GALNS: variants seen among roughly 807,000 people sequenced by gnomAD.
GALNS encodes N-acetylgalactosamine-6-sulfatase.
A neutral mutation model predicts 65.9 loss-of-function variants in GALNS; 65 were observed. The ratio of observed to expected loss-of-function variants is 0.99; its 90% CI spans 0.81 to 1.21. The LOEUF (loss-of-function observed/expected upper bound fraction) is 1.21. Ranked by LOEUF, GALNS falls within the 50% of genes most tolerant of loss-of-function variation. GALNS has a pLI of 0.00. For synonymous variants in GALNS, 346 were observed against 288.9 expected (o/e 1.20, Z -2.00); for missense variants, 776 against 700.7 (o/e 1.11, Z -1.21).
chr16:88,815,253 C>A (rs1466515623), intron 13 of GALNS: 2 of 985,352 alleles, frequency 2.0e-6, no homozygotes, highest in African/African-American at 1.7e-5. Context: ...ATGGGGGATG[C>A]AGCTGCCAAG....
In GALNS at chr16:88,819,635, C is replaced by T. The variant is rs529278531; in HGVS notation, c.1365-1511G>A. Among the ~76,000 whole-genome samples, 85 of 152,282 alleles carry T rather than the reference C, an allele frequency of 5.6e-4. 4 individuals are homozygous for T. The highest frequency in any genetic ancestry group is 6.5e-5 in the Admixed American group (1 of 15,296). ...GCAGCCTTGACCTTCCAGGCTCAAG[C>T]GATCTTCCTGCCTCAGTCTCTTGAG... is the stretch of plus-strand genomic sequence containing the variant. On this transcript the variant is annotated intron_variant, in intron 12 of 13. Coordinates refer to ENST00000268695, the MANE Select transcript of GALNS (RefSeq NM_000512.5).
At chr16:88,832,477 C>G (rs1469952495) in intron 8 of GALNS, among the ~76,000 whole-genome samples, 1 of 152,178 alleles carries the variant, frequency 6.6e-6, no homozygotes, top group East Asian at 1.9e-4. Context: ...ACTTAAAATG[C>G]AGCCAACTTC....
At chr16:88,817,016 T>C in intron 13 of GALNS, 20 of 985,314 alleles carry the variant, frequency 2.0e-5, no homozygotes, top group Non-Finnish European at 2.4e-5. Flanking sequence ...CAGACCTGTG[T>C]GTGGCTCGTT....
rs1912294802 is a variant in GALNS at position 88,837,770 on chromosome 16, A to G, written c.423-5T>C. ...TGGGGCCTGTGACCCAGATGCCTGGAAACAGGAACCCAGGACACTTCAGGG... is the reference window on the plus strand; with the variant it reads ...TGGGGCCTGTGACCCAGATGCCTGGGAACAGGAACCCAGGACACTTCAGGG... On this transcript the variant is annotated splice_region_variant and splice_polypyrimidine_tract_variant and intron_variant, in intron 4 of 13. Coordinates refer to ENST00000268695, the MANE Select transcript of GALNS (RefSeq NM_000512.5). 10 of 1,613,738 alleles carry G rather than the reference A, an allele frequency of 6.2e-6. No homozygotes were observed. The highest frequency in any genetic ancestry group is 2.2e-5 in the South Asian group (2 of 91,064).
rs201061643 is a variant in GALNS, at chr16:88,820,330, T to C, written c.1365-2206A>G. ...TTTTGGTAGAGATGGGATTTCACCA[T>C]GTAGGCCAGGCTGGTCTCAAACTCC... On this transcript the variant is annotated intron_variant, in intron 12 of 13. Transcript: ENST00000268695. 3.7e-4 allele frequency among the ~76,000 whole-genome samples: 57 copies of C among 152,024 alleles called. No homozygotes were observed. The East Asian group carries it at 9.3e-3, about 25-fold the overall frequency.
chr16:88,855,523 C>T lies in GALNS; in HGVS notation c.120+1235G>A, dbSNP rs1175867572. 5 of 702,534 alleles carry T rather than the reference C, an allele frequency of 7.1e-6. No homozygotes were observed. In the Admixed American group the frequency reaches 8.0e-5, roughly 11 times the overall value. The allele number at this position is 702,534 out of a possible 1,614,324, so 43.5% of individuals were successfully genotyped here. ...GAGAGCGTGCTCTGGAAAGCAGTCA[C>T]TGCACACAAATAAGACATATGAGAT... On this transcript the variant is annotated intron_variant, in intron 1 of 13. Transcript: ENST00000268695.
chr16:88,822,841 T>A, intron 11 of GALNS, 131 bp from the exon 12 acceptor site: 1 of 1,374,370 alleles, frequency 7.3e-7, no homozygotes, highest in Non-Finnish European at 9.9e-7. Flanking sequence ...CTGGAGCCCC[T>A]AACTGGGGGC....
In GALNS at chr16:88,823,981, T is replaced by C. The variant is rs1307688377; in HGVS notation, c.1242+786A>G. Reference sequence around the variant, plus strand: ...GGAGCCAAAACACTCCTGGGCATCATTGCCCTCCAGACACTGCCCCACGAG... The same window carrying C: ...GGAGCCAAAACACTCCTGGGCATCACTGCCCTCCAGACACTGCCCCACGAG... On this transcript the variant is annotated intron_variant, in intron 11 of 13. Transcript: ENST00000268695. Among the ~76,000 whole-genome samples the C allele has an allele frequency of 2.6e-5, 4 of 152,296 alleles. 1 individual carries two copies. The highest frequency in any genetic ancestry group is 6.8e-3 in the Middle Eastern group (2 of 294).
intron 10 of GALNS, among the ~76,000 whole-genome samples, chr16:88,825,700 AG>A (rs1475273479): frequency 6.6e-6 from 1 of 151,214 alleles, no homozygotes; most frequent in Admixed American, 6.6e-5. Context: ...TGGGCAGACA[AG>A]AGGATAAGCA....
chr16:88,822,521 TGGA>T lies in GALNS; in HGVS notation c.1364+65_1364+67del, dbSNP rs1910338194. ...CAGGGTGCAGAGGGCTCTGTCCCTG[TGGA>T]GCCTGCATTTGGGGGAGTCCGGCTG... On this transcript the variant is annotated intron_variant, in intron 12 of 13. Transcript: ENST00000268695. 3 of 1,600,684 alleles carry T rather than the reference TGGA, an allele frequency of 1.9e-6. No homozygotes were observed. The South Asian group carries it at 3.3e-5, about 18-fold the overall frequency.
intron 12 of GALNS, among the ~76,000 whole-genome samples, chr16:88,822,167 C>T (rs1910295203): frequency 6.6e-6 from 1 of 152,116 alleles, no homozygotes; most frequent in Non-Finnish European, 1.5e-5. Context: ...ACTCCGGCAT[C>T]CTCGGTGGGG....
intron 8 of GALNS, among the ~76,000 whole-genome samples, chr16:88,834,794 A>G (rs1489937340): frequency 6.6e-6 from 1 of 152,148 alleles, no homozygotes; most frequent in Non-Finnish European, 1.5e-5. Context: ...TCATGGAGGC[A>G]GCCCGGCCCC....
intron 1 of GALNS, among the ~76,000 whole-genome samples, chr16:88,850,423 A>G (rs1014130243): frequency 2.0e-5 from 3 of 152,168 alleles, no homozygotes; most frequent in African/African-American, 7.2e-5. Flanking sequence ...CAGGCCACAA[A>G]TAACATGAAT....
At chr16:88,847,682 T>C (rs565562895) in intron 1 of GALNS, among the ~76,000 whole-genome samples, 85 of 152,320 alleles carry the variant, frequency 5.6e-4, no homozygotes, top group African/African-American at 2.0e-3. Flanking sequence ...TGATCGCTGA[T>C]TGTCTAAGGT....
At chr16:88,822,953 C>G (rs115109426) in intron 11 of GALNS, among the ~76,000 whole-genome samples, 3 of 152,148 alleles carry the variant, frequency 2.0e-5, no homozygotes, top group African/African-American at 4.8e-5. Context: ...CCATAAGCAT[C>G]CTGTGGAGGA....
At chr16:88,831,132 G>A (rs115496245) in intron 9 of GALNS, among the ~76,000 whole-genome samples, 4,627 of 152,274 alleles carry the variant, frequency 0.03, 241 homozygotes, top group African/African-American at 0.11. Flanking sequence ...AGTCCCCACC[G>A]AGAGCCTTCC....
chr16:88,856,441 G>A, intron 1 of GALNS: 1 of 700,632 alleles, frequency 1.4e-6, no homozygotes, highest in Non-Finnish European at 2.6e-6. Flanking sequence ...GTAGCACGCC[G>A]GCCACCCACC....
intron 13 of GALNS, chr16:88,815,394 G>C: frequency 1.5e-5 from 15 of 985,486 alleles, no homozygotes; most frequent in Non-Finnish European, 1.8e-5. Context: ...TTCCCAGGGA[G>C]AAGCCAGTCC....
intron 1 of GALNS, chr16:88,855,114 A>T (rs1390970362): frequency 2.0e-6 from 1 of 501,066 alleles, no homozygotes; most frequent in Non-Finnish European, 3.8e-6. Context: ...TTAGAAAAGC[A>T]GAAGTAGGTG....
Sources: allele counts gnomAD v4.1 joint callset (sites outside exome capture counted in the v4.1 genomes callset), GRCh38; gene constraint gnomAD v4.1.1; transcripts MANE v1.5; gene names NCBI Gene and HGNC (gene_info 2026-07-23, HGNC 2026-07-21).